Variants in CTNNA2 observed in about 807,000 individuals in gnomAD.
CTNNA2 encodes the protein catenin alpha 2, also known as catenin alpha-2.
CTNNA2 carries 42 observed loss-of-function variants against 101.0 expected under a neutral mutation model. The ratio of observed to expected loss-of-function variants is 0.42; its 90% CI spans 0.32 to 0.54. The LOEUF is 0.54. Ranked by LOEUF, CTNNA2 falls within the 20% of genes least tolerant of loss-of-function variation. The probability of loss-of-function intolerance (pLI) is 0.14; values close to 1 mark genes in which losing one functional copy is unlikely to be tolerated. For missense variants in CTNNA2, 871 were observed against 1,223.1 expected (o/e 0.71, Z 4.29); for synonymous variants, 450 against 456.4 (o/e 0.99, Z 0.18).
At chr2:80,378,272 C>T (rs1285945355) in intron 7 of CTNNA2, among the ~76,000 whole-genome samples, 4 of 151,940 alleles carry the variant, frequency 2.6e-5, no homozygotes, top group Admixed American at 2.6e-4. Flanking sequence ...AGGAGAATCA[C>T]TTGAACGCAG....
At chr2:80,255,878 A>G (rs1484517502) in intron 7 of CTNNA2, among the ~76,000 whole-genome samples, 1 of 152,164 alleles carries the variant, frequency 6.6e-6, no homozygotes, top group Non-Finnish European at 1.5e-5. Context: ...CCGGGAAAAT[A>G]AATACAGGCC....
At chr2:80,616,000 T>A (rs1018792813) in intron 17 of CTNNA2, among the ~76,000 whole-genome samples, 2 of 151,724 alleles carry the variant, frequency 1.3e-5, no homozygotes, top group African/African-American at 4.8e-5. Context: ...AATTCAGACT[T>A]TTAATCTTTT....
At chr2:79,940,915 C>A (rs1296585789) in intron 7 of CTNNA2, among the ~76,000 whole-genome samples, 1 of 152,180 alleles carries the variant, frequency 6.6e-6, no homozygotes, top group Non-Finnish European at 1.5e-5. Flanking sequence ...ATTGCTTTCT[C>A]ACCATCAAAA....
intron 2 of CTNNA2, among the ~76,000 whole-genome samples, chr2:79,684,290 A>G (rs1009830247): frequency 2.6e-5 from 4 of 152,182 alleles, no homozygotes; most frequent in Non-Finnish European, 5.9e-5. Context: ...TTTCTATTCT[A>G]TCTTCTGCCC....
At chr2:79,406,327 A>G (rs1678341369) in intron 4 of CTNNA2, among the ~76,000 whole-genome samples, 1 of 142,108 alleles carries the variant, frequency 7.0e-6, no homozygotes, top group Non-Finnish European at 1.6e-5. Flanking sequence ...GAAAGGATAC[A>G]TGTAGGAGGA....
chr2:79,202,814 T>G (rs1021803043), intron 2 of CTNNA2, among the ~76,000 whole-genome samples: 7 of 152,174 alleles, frequency 4.6e-5, no homozygotes, highest in African/African-American at 1.4e-4. Context: ...CTCACATGGC[T>G]CTAGCCATGA....
intron 7 of CTNNA2, among the ~76,000 whole-genome samples, chr2:80,307,347 T>C (rs1261066693): frequency 1.3e-5 from 2 of 152,084 alleles, no homozygotes; most frequent in Non-Finnish European, 2.9e-5. Context: ...AAGAACAACA[T>C]GAATCGAGTG....
At chr2:80,065,499 G>C (rs1697922243) in intron 7 of CTNNA2, among the ~76,000 whole-genome samples, 1 of 151,812 alleles carries the variant, frequency 6.6e-6, no homozygotes, top group Non-Finnish European at 1.5e-5. Flanking sequence ...GATTACAGGT[G>C]CGTGCCACAA....
intron 11 of CTNNA2, among the ~76,000 whole-genome samples, chr2:80,554,121 T>G (rs893958302): frequency 1.2e-4 from 19 of 152,260 alleles, no homozygotes; most frequent in African/African-American, 4.6e-4. Flanking sequence ...GAAAAGTCAG[T>G]TATAACTTGC....
At chr2:80,009,756 G>GTGTGTGTGTGTC (rs367758452) in intron 7 of CTNNA2, among the ~76,000 whole-genome samples, 8,577 of 147,998 alleles carry the variant, frequency 0.058, 293 homozygotes, top group East Asian at 0.13. Flanking sequence ...GTGTGTCAGA[G>GTGTGTGTGTGTC]AGAGAGACAG....
chr2:80,625,625 T>G (rs1671603410), intron 18 of CTNNA2, among the ~76,000 whole-genome samples: 1 of 152,116 alleles, frequency 6.6e-6, no homozygotes. Flanking sequence ...AATGCTCATT[T>G]TTTTCCCTGG....
intron 7 of CTNNA2, among the ~76,000 whole-genome samples, chr2:80,243,006 G>C (rs1366590243): frequency 6.6e-6 from 1 of 152,228 alleles, no homozygotes; most frequent in African/African-American, 2.4e-5. Flanking sequence ...CCCAAATGCA[G>C]ATCAGAACTA....
At chr2:79,662,647 C>T (rs1227379143) in intron 2 of CTNNA2, among the ~76,000 whole-genome samples, 1 of 152,090 alleles carries the variant, frequency 6.6e-6, no homozygotes, top group African/African-American at 2.4e-5. Context: ...CTAATTAAAG[C>T]TTGTCAGAGA....
At chr2:80,626,845 C>T (rs962040103) in intron 18 of CTNNA2, among the ~76,000 whole-genome samples, 5 of 151,998 alleles carry the variant, frequency 3.3e-5, no homozygotes, top group African/African-American at 1.2e-4. Context: ...GATATTTCTC[C>T]TAATGCTATC....
chr2:80,426,121 C>T (rs1170845170), intron 9 of CTNNA2, among the ~76,000 whole-genome samples: 1 of 151,980 alleles, frequency 6.6e-6, no homozygotes, highest in Non-Finnish European at 1.5e-5. Context: ...AGAATCATGC[C>T]CTTCTAAAGA....
intron 17 of CTNNA2, 134 bp downstream of exon 17, chr2:80,608,452 A>T (rs765332549): frequency 5.9e-6 from 5 of 850,840 alleles, no homozygotes; most frequent in Non-Finnish European, 8.7e-6. Flanking sequence ...AATAAATGTT[A>T]TCACCATTAT....
At chr2:79,333,514 T>C (rs1676924398) in intron 3 of CTNNA2, among the ~76,000 whole-genome samples, 1 of 152,174 alleles carries the variant, frequency 6.6e-6, no homozygotes, top group East Asian at 1.9e-4. Flanking sequence ...ACACAATGTA[T>C]ATAAAGCTTT....
At chr2:79,870,591 G>A (rs1682512388) in intron 5 of CTNNA2, among the ~76,000 whole-genome samples, 1 of 152,094 alleles carries the variant, frequency 6.6e-6, no homozygotes, top group African/African-American at 2.4e-5. Flanking sequence ...TTCTCATGCT[G>A]TTATAAAGAA....
At chr2:80,277,514 G>T (rs1259886551) in intron 7 of CTNNA2, among the ~76,000 whole-genome samples, 3 of 129,218 alleles carry the variant, frequency 2.3e-5, no homozygotes, top group Non-Finnish European at 4.7e-5. Context: ...CAGGGAAAAA[G>T]AGCTCAGTGG....
Sources: allele counts gnomAD v4.1 joint callset (sites outside exome capture counted in the v4.1 genomes callset), GRCh38; gene constraint gnomAD v4.1.1; transcripts MANE v1.5; gene names NCBI Gene and HGNC (gene_info 2026-07-23, HGNC 2026-07-21).